Variants in CHN2 observed in about 807,000 individuals in gnomAD.
CHN2 encodes the protein chimerin 2, also known as beta-chimaerin.
CHN2 carries 35 observed loss-of-function variants against 56.3 expected under a neutral mutation model. The observed-to-expected ratio is 0.62, with a 90% CI of 0.47 to 0.82. The LOEUF (loss-of-function observed/expected upper bound fraction) is 0.82, where lower values mean the gene tolerates loss of function less well. CHN2 is among the 40% of genes least tolerant of loss of function. The probability of loss-of-function intolerance (pLI) is 0.00; values close to 1 mark genes in which losing one functional copy is unlikely to be tolerated. For missense variants in CHN2, 491 were observed against 580.5 expected, an observed-to-expected ratio of 0.85 and a Z score of 1.58; for synonymous variants, 210 against 212.8, an observed-to-expected ratio of 0.99 and a Z score of 0.12.
chr7:29,468,658 G>A (rs760557766), intron 6 of CHN2, among the ~76,000 whole-genome samples: 10 of 152,094 alleles, frequency 6.6e-5, no homozygotes, highest in Non-Finnish European at 1.2e-4. Flanking sequence ...TGATCCAAGT[G>A]CTCTTCTCCC....
intron 1 of CHN2, chr7:29,292,762 C>T (rs1792739752): frequency 2.6e-6 from 1 of 377,510 alleles, no homozygotes; most frequent in Admixed American, 3.0e-5. Context: ...AAACACCCTG[C>T]ATTTCATTGA....
chr7:29,210,449 C>T (rs1784831967), intron 1 of CHN2, among the ~76,000 whole-genome samples: 1 of 151,742 alleles, frequency 6.6e-6, no homozygotes, highest in Non-Finnish European at 1.5e-5. Flanking sequence ...ACCGTGCACA[C>T]ACCAATACTT....
chr7:29,286,120 G>A (rs181631725), intron 1 of CHN2, among the ~76,000 whole-genome samples: 3 of 151,872 alleles, frequency 2.0e-5, no homozygotes, highest in Non-Finnish European at 2.9e-5. Flanking sequence ...GCCTCTTTTC[G>A]AGGATGTGCC....
chr7:29,262,966 T>A (rs1789686903), intron 1 of CHN2, among the ~76,000 whole-genome samples: 1 of 152,184 alleles, frequency 6.6e-6, no homozygotes, highest in Non-Finnish European at 1.5e-5. Context: ...AAAATTTATG[T>A]TATATGTATT....
chr7:29,210,141 T>C (rs1784805825), intron 1 of CHN2, among the ~76,000 whole-genome samples: 1 of 152,360 alleles, frequency 6.6e-6, no homozygotes, highest in African/African-American at 2.4e-5. Flanking sequence ...CAATTTATGG[T>C]GCCTTGGTGG....
rs550221277 is a variant in CHN2 at position 29,243,780 on chromosome 7, G to A, written c.49+48790G>A. Among the ~76,000 whole-genome samples, 82 of 152,272 alleles carry A rather than the reference G, an allele frequency of 5.4e-4. No homozygotes were observed. The South Asian group carries it at 0.011, about 21-fold the overall frequency. ...CAAAATTCCCACATTCGTTGTTAGC[G>A]TTCTTGCCAGTATATCCTTTCAATG... On this transcript the variant is annotated intron_variant, in intron 1 of 12. Coordinates refer to ENST00000222792, the MANE Select transcript of CHN2 (RefSeq NM_004067.4).
At chr7:29,159,495 TC>T (rs1794889273) in intron 2 of CHN2, among the ~76,000 whole-genome samples, 1 of 152,184 alleles carries the variant, frequency 6.6e-6, no homozygotes, top group African/African-American at 2.4e-5. Context: ...GTAAAGCACT[TC>T]AAATGTGTTT....
chr7:29,188,475 G>T (rs1263099644), intron 2 of CHN2, among the ~76,000 whole-genome samples: 1 of 152,034 alleles, frequency 6.6e-6, no homozygotes, highest in African/African-American at 2.4e-5. Context: ...CAGAAGATTG[G>T]CTCAGATATT....
intron 1 of CHN2, among the ~76,000 whole-genome samples, chr7:29,291,324 AAG>A (rs1562894052): frequency 6.6e-6 from 1 of 152,040 alleles, no homozygotes; most frequent in Non-Finnish European, 1.5e-5. Context: ...ATTATTATTT[AAG>A]AGACAGATTA....
At chr7:29,338,641 C>G (rs1233251693) in intron 1 of CHN2, among the ~76,000 whole-genome samples, 2 of 152,128 alleles carry the variant, frequency 1.3e-5, no homozygotes, top group East Asian at 3.9e-4. Flanking sequence ...TGCAGTGATG[C>G]GATCTCAGCT....
chr7:29,308,611 G>C, intron 1 of CHN2, among the ~76,000 whole-genome samples: 1 of 152,162 alleles, frequency 6.6e-6, no homozygotes. Flanking sequence ...TGAGGAGCAA[G>C]GAATGCGTGG....
intron 1 of CHN2, among the ~76,000 whole-genome samples, chr7:29,198,315 A>G (rs891813513): frequency 4.6e-5 from 7 of 152,256 alleles, no homozygotes; most frequent in African/African-American, 1.7e-4. Context: ...TAATTTGCTC[A>G]GCATTAAGGT....
intron 1 of CHN2, among the ~76,000 whole-genome samples, chr7:29,241,150 T>C (rs910232235): frequency 5.9e-5 from 9 of 152,150 alleles, no homozygotes; most frequent in Admixed American, 5.9e-4. Flanking sequence ...CCTTCCAAAG[T>C]GCTGAGATTA....
At chr7:29,174,487 C>T (rs866970198) in intron 2 of CHN2, among the ~76,000 whole-genome samples, 1 of 152,064 alleles carries the variant, frequency 6.6e-6, no homozygotes, top group East Asian at 1.9e-4. Flanking sequence ...AGCTGATTAG[C>T]CATGGGGGCA....
rs1288713502 is a variant in CHN2, at chr7:29,508,242, T to C, written c.1129+877T>C. ...TTCAGTGTTTGGCACTTGGGCCCAC[T>C]GCTGAGGGAGAGAGGAATAGAGTGA... is the stretch of plus-strand genomic sequence containing the variant. On this transcript the variant is annotated intron_variant, in intron 11 of 12. Transcript: ENST00000222792. 4.7e-5 allele frequency among the ~76,000 whole-genome samples: 7 copies of C among 149,304 alleles called. No individual in the cohort carries two copies. The East Asian group carries it at 1.4e-3, about 30-fold the overall frequency.
chr7:29,362,544 C>A (rs1798821885), intron 2 of CHN2, among the ~76,000 whole-genome samples: 1 of 152,134 alleles, frequency 6.6e-6, no homozygotes, highest in African/African-American at 2.4e-5. Context: ...AGTCACGGTC[C>A]CCAGCATGTC....
upstream of CHN2, chr7:29,192,840 G>A (rs1011704213): frequency 1.3e-5 from 2 of 152,184 alleles, no homozygotes; most frequent in Admixed American, 6.5e-5. Flanking sequence ...TCTACCGGGC[G>A]ACATAGCCAA....
chr7:29,364,707 C>G (rs564127835), intron 2 of CHN2, among the ~76,000 whole-genome samples: 2 of 152,286 alleles, frequency 1.3e-5, no homozygotes, highest in Admixed American at 6.5e-5. Flanking sequence ...CTCTTCCTCA[C>G]GTATTAAAAG....
At chr7:29,276,970 A>C (rs1014661265) in intron 1 of CHN2, among the ~76,000 whole-genome samples, 1 of 152,204 alleles carries the variant, frequency 6.6e-6, no homozygotes, top group Non-Finnish European at 1.5e-5. Context: ...GCAAACAGCC[A>C]TGCCCCTGGC....
Sources: gnomAD v4.1 joint callset for allele counts (sites outside exome capture counted in the v4.1 genomes callset) on GRCh38, gnomAD v4.1.1 for gene constraint, MANE v1.5 for transcripts, NCBI Gene and HGNC (gene_info 2026-07-23, HGNC 2026-07-21) for gene names.